The following LEMD3 variants were observed in gnomAD, a reference collection of about 807,000 sequenced individuals.
The protein encoded by LEMD3 is inner nuclear membrane protein Man1.
LEMD3 carries 33 observed loss-of-function variants against 95.2 expected under a neutral mutation model. That is an observed-to-expected ratio of 0.35 (90% CI 0.26 to 0.46). LEMD3 has a LOEUF of 0.46. LEMD3 is among the 20% of genes least tolerant of loss of function. The probability of loss-of-function intolerance (pLI) is 1.00; values close to 1 mark genes in which losing one functional copy is unlikely to be tolerated. For missense variants in LEMD3, 1,210 were observed against 1,192.8 expected, an observed-to-expected ratio of 1.01 and a Z score of -0.21; for synonymous variants, 525 against 474.6, an observed-to-expected ratio of 1.11 and a Z score of -1.38.
At chr12:65,179,000 G>T (rs1005645847) in intron 1 of LEMD3, among the ~76,000 whole-genome samples, 1 of 152,038 alleles carries the variant, frequency 6.6e-6, no homozygotes, top group Admixed American at 6.6e-5. Context: ...TATCCTTAAG[G>T]TTTTAGATTA....
rs111718776 is a variant in LEMD3 at position 65,243,217 on chromosome 12, A to T, written c.2306-171A>T. Among the ~76,000 whole-genome samples the T allele has an allele frequency of 3.8e-3, 571 of 152,194 alleles. 4 individuals carry two copies. The highest frequency in any genetic ancestry group is 0.013 in the African/African-American group (547 of 41,514). The stretch of plus-strand genomic sequence containing the variant: ...TCTTTATCATCTGTCTCTCCCATTA[A>T]ACTGTAAACTCTTTGATAGCAATGA... On this transcript the variant is annotated intron_variant, in intron 9 of 12. Transcript: ENST00000308330.
chr12:65,195,963 A>G (rs960470959), intron 1 of LEMD3, among the ~76,000 whole-genome samples: 3 of 152,130 alleles, frequency 2.0e-5, no homozygotes, highest in Non-Finnish European at 2.9e-5. Flanking sequence ...TTGTCCTCCA[A>G]TGAGAATTCT....
rs199824717 is a variant in LEMD3 at position 65,170,489 on chromosome 12, C to G, written c.893C>G (p.Thr298Ser). 6 of 1,614,004 alleles carry G rather than the reference C, an allele frequency of 3.7e-6. No individual in the cohort carries two copies. Among genetic ancestry groups the G allele is most frequent in the Non-Finnish European group, 5.1e-6 (6 of 1,179,996 alleles). Reference sequence around the variant, plus strand: ...CATAGTAAGCCTCTCCCCCCGCTGACTGCTAAATCGGCCGGCGGCAGGCTG... The same window carrying G: ...CATAGTAAGCCTCTCCCCCCGCTGAGTGCTAAATCGGCCGGCGGCAGGCTG... ...RTHSKPLPPL[T>S]AKSAGGRLET... Residue 298 changes from threonine (T) to serine (S), a missense_variant, in exon 1 of 13, where the codon ACT (threonine) becomes AGT (serine). Thr to Ser is a moderately conservative substitution (Grantham distance 58, BLOSUM62 1). Coordinates refer to ENST00000308330, the MANE Select transcript of LEMD3 (RefSeq NM_014319.5).
rs766352719 is a variant in LEMD3 at position 65,170,382 on chromosome 12, G to A, written c.786G>A (p.Glu262=). Residue 262 remains glutamate (E), a synonymous_variant, in exon 1 of 13, where the codon GAG becomes GAA. Transcript: ENST00000308330. ...YSCRENYSDS[E]EEDDDDVASS... is the part of the protein sequence containing the mutation. ...GCCGGGAAAACTATTCGGACTCAGA[G>A]GAAGAGGACGACGACGACGTGGCCT... 6.2e-7 allele frequency: 1 copy of A among 1,613,992 alleles called. No individual in the cohort carries two copies. The highest frequency in any genetic ancestry group is 1.1e-5 in the South Asian group (1 of 91,060).
intron 12 of LEMD3, 64 bp from the exon 13 acceptor site, chr12:65,246,098 G>A: frequency 7.3e-7 from 1 of 1,375,924 alleles, no homozygotes; most frequent in Non-Finnish European, 1.0e-6. Context: ...TTTTACCACA[G>A]TTAATTTTCT....
chr12:65,211,764 G>A (rs961051197), intron 2 of LEMD3, among the ~76,000 whole-genome samples: 4 of 152,166 alleles, frequency 2.6e-5, no homozygotes, highest in African/African-American at 9.7e-5. Context: ...GTTGCCTTAA[G>A]TATAACACTG....
chr12:65,212,979 C>G (rs747430020), intron 2 of LEMD3, among the ~76,000 whole-genome samples: 1 of 152,190 alleles, frequency 6.6e-6, no homozygotes, highest in Non-Finnish European at 1.5e-5. Flanking sequence ...CTAAAGATAA[C>G]TGAACCAAAA....
chr12:65,213,970 A>T (rs2136337808), intron 2 of LEMD3, among the ~76,000 whole-genome samples: 1 of 152,324 alleles, frequency 6.6e-6, no homozygotes, highest in South Asian at 2.1e-4. Flanking sequence ...TCATTGGAAC[A>T]CCTACTCATC....
At chr12:65,174,632 G>A (rs759673896) in intron 1 of LEMD3, among the ~76,000 whole-genome samples, 3 of 152,010 alleles carry the variant, frequency 2.0e-5, no homozygotes, top group Non-Finnish European at 4.4e-5. Flanking sequence ...TATTTTTCAT[G>A]TAAATACATC....
chr12:65,194,475 G>T (rs1460544162), intron 1 of LEMD3, among the ~76,000 whole-genome samples: 1 of 152,100 alleles, frequency 6.6e-6, no homozygotes, highest in East Asian at 1.9e-4. Flanking sequence ...TCATAGCGGT[G>T]TGGAAATGGT....
Position 65,170,204 on chromosome 12 carries a change from C to A in LEMD3, c.608C>A (p.Ala203Glu), listed in dbSNP as rs755257962. 7 of 1,495,096 alleles carry A rather than the reference C, an allele frequency of 4.7e-6. No individual in the cohort carries two copies. The highest frequency in any genetic ancestry group is 4.2e-5 in the African/African-American group (3 of 71,800). 92.6% of individuals were successfully genotyped at this position (1,495,096 alleles called of 1,614,324 possible). A position where few individuals can be genotyped will look rare whatever the true frequency, so the allele number is the denominator to read the frequency against. ...PHSWWGARRP[A>E]GPELQTPPGK... is the part of the protein sequence containing the mutation. ...TCGTGGTGGGGGGCCAGGAGGCCGGCGGGCCCCGAGCTGCAGACCCCGCCG... is the reference window on the plus strand; with the variant it reads ...TCGTGGTGGGGGGCCAGGAGGCCGGAGGGCCCCGAGCTGCAGACCCCGCCG... The change falls in exon 1 of 13, where the codon GCG becomes GAG. Residue 203 changes from alanine (A) to glutamate (E), a missense_variant. Ala to Glu is a moderately radical substitution (Grantham distance 107). Around this residue, in one of 2 missense-constraint regions of LEMD3, gnomAD observed 749 missense variants for 622.9 expected, o/e 1.20. Transcript: ENST00000308330.
intron 4 of LEMD3, among the ~76,000 whole-genome samples, chr12:65,233,713 A>G (rs533208258): frequency 5.3e-5 from 8 of 152,220 alleles, no homozygotes; most frequent in Non-Finnish European, 1.0e-4. Flanking sequence ...ATTTCTCCCT[A>G]TACCAGTGCC....
chr12:65,176,386 C>T (rs1368184503), intron 1 of LEMD3, among the ~76,000 whole-genome samples: 4 of 152,164 alleles, frequency 2.6e-5, no homozygotes, highest in Non-Finnish European at 5.9e-5. Context: ...CAGGTTATCC[C>T]CTTTTTTGGG....
At chr12:65,220,616 T>C (rs368534678) in intron 4 of LEMD3, among the ~76,000 whole-genome samples, 2 of 152,238 alleles carry the variant, frequency 1.3e-5, no homozygotes, top group South Asian at 2.1e-4. Context: ...CCTATGCTTT[T>C]GGTGTCATGT....
intron 1 of LEMD3, among the ~76,000 whole-genome samples, chr12:65,193,358 C>T (rs1200449188): frequency 6.6e-6 from 1 of 152,074 alleles, no homozygotes; most frequent in Non-Finnish European, 1.5e-5. Flanking sequence ...GGTCTTGCAT[C>T]CCTTTTCCCA....
chr12:65,180,754 T>C (rs1868876287), intron 1 of LEMD3, among the ~76,000 whole-genome samples: 1 of 152,334 alleles, frequency 6.6e-6, no homozygotes, highest in East Asian at 1.9e-4. Context: ...TTTACAGCTA[T>C]GTTACTATCA....
chr12:65,246,351 T>A lies in LEMD3; in HGVS notation c.*26T>A, dbSNP rs1481476709. 1 of 1,580,104 alleles carries A rather than the reference T, an allele frequency of 6.3e-7. No individual in the cohort carries two copies. Among genetic ancestry groups the A allele is most frequent in the Admixed American group, 1.7e-5 (1 of 59,976 alleles). The stretch of plus-strand genomic sequence containing the variant: ...AAAGATTTTCTTCCATTTCTAAGAC[T>A]GTTATTTACAATAGGAAAATTCCTG... On this transcript the variant is annotated 3_prime_UTR_variant, in exon 13 of 13. Transcript: ENST00000308330.
chr12:65,244,188 T>G (rs573629389), intron 10 of LEMD3, among the ~76,000 whole-genome samples: 1 of 152,052 alleles, frequency 6.6e-6, no homozygotes, highest in African/African-American at 2.4e-5. Flanking sequence ...AATCACTCAT[T>G]GATGAAATTC....
At chr12:65,192,757 T>C (rs897034488) in intron 1 of LEMD3, among the ~76,000 whole-genome samples, 1 of 152,170 alleles carries the variant, frequency 6.6e-6, no homozygotes, top group African/African-American at 2.4e-5. Flanking sequence ...ATAACTTAAG[T>C]TGAGCACTTA....
Sources: allele counts gnomAD v4.1 joint callset (sites outside exome capture counted in the v4.1 genomes callset), GRCh38; gene constraint gnomAD v4.1.1; regional missense constraint gnomAD v4.1.1; transcripts MANE v1.5; gene names NCBI Gene and HGNC (gene_info 2026-07-23, HGNC 2026-07-21).